SH3PXD2A: variants seen among roughly 807,000 people sequenced by gnomAD.
SH3PXD2A encodes the protein SH3 and PX domain-containing protein 2A.
Under a neutral mutation model 115.2 loss-of-function variants are expected in SH3PXD2A, and 32 were observed. The ratio of observed to expected loss-of-function variants is 0.28; its 90% CI spans 0.21 to 0.37. The LOEUF is 0.37. SH3PXD2A is among the 10% of genes least tolerant of loss of function. SH3PXD2A has a pLI of 1.00. For synonymous variants in SH3PXD2A, 610 were observed against 629.1 expected, an observed-to-expected ratio of 0.97 and a Z score of 0.45; for missense variants, 1,328 against 1,498.7, an observed-to-expected ratio of 0.89 and a Z score of 1.88.
At chr10:103,606,575 T>C (rs1054768764) in intron 13 of SH3PXD2A, among the ~76,000 whole-genome samples, 1 of 149,828 alleles carries the variant, frequency 6.7e-6, no homozygotes, top group Non-Finnish European at 1.5e-5. Flanking sequence ...CTGCCATCTC[T>C]GCTCACTGCA....
intron 3 of SH3PXD2A, chr10:103,754,528 C>A (rs2038617305): frequency 6.6e-6 from 1 of 152,146 alleles, no homozygotes. Context: ...TTGCCCATCT[C>A]CAATCAGGGA....
chr10:103,633,710 G>A lies in SH3PXD2A; in HGVS notation c.605-6508C>T, dbSNP rs955513966. On this transcript the variant is annotated intron_variant, in intron 8 of 14. Transcript: ENST00000369774. ...GCCACAGCACTCCAGTCTAGGCGAT[G>A]GAGCAAGATTCTGTCTCAAAAAAAA... 3.5e-5 allele frequency among the ~76,000 whole-genome samples: 4 copies of A among 114,796 alleles called. No individual in the cohort carries two copies. In the East Asian group the frequency reaches 1.3e-3, roughly 37 times the overall value. The allele number at this position is 114,796 out of a possible 152,430, so 75.3% of individuals were successfully genotyped here. A position where few individuals can be genotyped will look rare whatever the true frequency, so the allele number is the denominator to read the frequency against.
At position 103,782,370 on chromosome 10, in the gene SH3PXD2A, T is replaced by C. The variant is rs560194751; in HGVS notation, c.154-15201A>G. On this transcript the variant is annotated intron_variant, in intron 2 of 14. Transcript: ENST00000369774. ...ATTGTTCTCTGCCATAAAGATTTCA[T>C]CTAATCCTTAACAAGCAGATCCCAA... Among the ~76,000 whole-genome samples the C allele has an allele frequency of 1.9e-4, 29 of 152,296 alleles. 1 individual carries two copies. In the East Asian group the frequency reaches 5.6e-3, roughly 29 times the overall value.
intron 8 of SH3PXD2A, among the ~76,000 whole-genome samples, chr10:103,644,753 G>A (rs986486937): frequency 6.6e-6 from 1 of 152,190 alleles, no homozygotes; most frequent in African/African-American, 2.4e-5. Flanking sequence ...GGATAGGAGG[G>A]TGAATATGCC....
intron 7 of SH3PXD2A, chr10:103,661,497 C>T (rs1250397488): frequency 7.9e-6 from 2 of 254,616 alleles, no homozygotes; most frequent in African/African-American, 4.6e-5. Flanking sequence ...CCGACGGGGT[C>T]TCTCCGGCCT....
At chr10:103,606,432 T>TAAAA (rs533450822) in intron 13 of SH3PXD2A, among the ~76,000 whole-genome samples, 6 of 8,156 alleles carry the variant, frequency 7.4e-4, no homozygotes, top group African/African-American at 1.9e-3. Flanking sequence ...AAGAATTTGC[T>TAAAA]AAAAAAAAAA....
chr10:103,689,159 C>A (rs1472242215), intron 6 of SH3PXD2A, among the ~76,000 whole-genome samples: 1 of 152,124 alleles, frequency 6.6e-6, no homozygotes, highest in African/African-American at 2.4e-5. Flanking sequence ...CAGGAGTGAG[C>A]CACTGCACCC....
chr10:103,675,816 G>A (rs1010882323), intron 6 of SH3PXD2A, among the ~76,000 whole-genome samples: 2 of 152,180 alleles, frequency 1.3e-5, no homozygotes, highest in African/African-American at 4.8e-5. Context: ...GCTGAGGTGG[G>A]TGGATCATCT....
chr10:103,707,837 G>T (rs954624184), intron 5 of SH3PXD2A, among the ~76,000 whole-genome samples: 12 of 152,138 alleles, frequency 7.9e-5, no homozygotes, highest in Admixed American at 7.9e-4. Context: ...GCTTTTGTGT[G>T]TGTCTCTCTC....
In SH3PXD2A at chr10:103,787,841, T is replaced by C. The variant is rs184256360; in HGVS notation, c.153+13441A>G. 1.2e-3 allele frequency among the ~76,000 whole-genome samples: 186 copies of C among 152,340 alleles called. 1 individual carries two copies. Among genetic ancestry groups the C allele is most frequent in the Non-Finnish European group, 1.4e-3 (98 of 68,024 alleles). ...CTAAATGGACCACATTCCTGGGCTCTTCCCGAGCCCCTCAGCCAGCACTGA... is the reference window on the plus strand; with the variant it reads ...CTAAATGGACCACATTCCTGGGCTCCTCCCGAGCCCCTCAGCCAGCACTGA... On this transcript the variant is annotated intron_variant, in intron 2 of 14. Coordinates refer to ENST00000369774, the MANE Select transcript of SH3PXD2A (RefSeq NM_001394015.1).
At chr10:103,738,807 T>C (rs2038409912) in intron 3 of SH3PXD2A, among the ~76,000 whole-genome samples, 1 of 152,080 alleles carries the variant, frequency 6.6e-6, no homozygotes, top group Non-Finnish European at 1.5e-5. Context: ...TTTTTTTTTT[T>C]TCCCGAGACG....
chr10:103,628,949 C>T (rs931485937), intron 8 of SH3PXD2A, among the ~76,000 whole-genome samples: 4 of 152,318 alleles, frequency 2.6e-5, no homozygotes, highest in Admixed American at 2.0e-4. Context: ...TTCATAAACA[C>T]GTACATAGGT....
At chr10:103,802,174 G>A (rs1036683544) in intron 1 of SH3PXD2A, among the ~76,000 whole-genome samples, 1 of 152,168 alleles carries the variant, frequency 6.6e-6, no homozygotes, top group Admixed American at 6.5e-5. Context: ...TGCTACTGTG[G>A]ATCCTCAGAA....
chr10:103,843,720 G>C (rs952668445), intron 1 of SH3PXD2A, among the ~76,000 whole-genome samples: 1 of 152,134 alleles, frequency 6.6e-6, no homozygotes, highest in Non-Finnish European at 1.5e-5. Flanking sequence ...CCTATGTGAC[G>C]AGCTCCCTAG....
chr10:103,658,412 C>T lies in SH3PXD2A; in HGVS notation c.604+2571G>A, dbSNP rs188198894. Among the ~76,000 whole-genome samples, 1,094 of 152,338 alleles carry T rather than the reference C, an allele frequency of 7.2e-3. 5 individuals are homozygous for T. Among genetic ancestry groups the T allele is most frequent in the Middle Eastern group, 0.014 (4 of 294 alleles). On this transcript the variant is annotated intron_variant, in intron 8 of 14. Transcript: ENST00000369774. Reference sequence around the variant, plus strand: ...AAGGTCAAAGGCTTCACAATTGGGTCTTTGTTCCTGAGTTCAAAAGCCTCA... The same window carrying T: ...AAGGTCAAAGGCTTCACAATTGGGTTTTTGTTCCTGAGTTCAAAAGCCTCA...
intron 2 of SH3PXD2A, among the ~76,000 whole-genome samples, chr10:103,782,137 G>A (rs541697105): frequency 2.0e-4 from 30 of 152,168 alleles, no homozygotes; most frequent in Non-Finnish European, 3.8e-4. Context: ...ACCGAAAGAA[G>A]AATAAGAGAG....
rs908174617 is a variant in SH3PXD2A at position 103,770,580 on chromosome 10, T to C, written c.154-3411A>G. 2.6e-5 allele frequency among the ~76,000 whole-genome samples: 4 copies of C among 152,344 alleles called. No homozygotes were observed. In the East Asian group the frequency reaches 7.7e-4, roughly 29 times the overall value. On this transcript the variant is annotated intron_variant, in intron 2 of 14. Transcript: ENST00000369774. ...TACAAGTGCCACACAGAATGAACTC[T>C]TACTTGGTTTGCTCTGGAGTCTGAG...
intron 2 of SH3PXD2A, among the ~76,000 whole-genome samples, chr10:103,774,987 T>C (rs1342884161): frequency 6.6e-6 from 1 of 152,156 alleles, no homozygotes; most frequent in Non-Finnish European, 1.5e-5. Flanking sequence ...TATATTCAAG[T>C]TAAGTGACTC....
In SH3PXD2A at chr10:103,668,588, G is replaced by A; in HGVS notation, c.472+20C>T. 1 of 1,549,694 alleles carries A rather than the reference G, an allele frequency of 6.5e-7. No homozygotes were observed. Among genetic ancestry groups the A allele is most frequent in the East Asian group, 2.4e-5 (1 of 41,186 alleles). The stretch of plus-strand genomic sequence containing the variant: ...CTGGAACACACATGCTCACACACAT[G>A]CATGCACGCTGGGCAGTACCTGTCA... On this transcript the variant is annotated intron_variant, in intron 7 of 14. Coordinates refer to ENST00000369774, the MANE Select transcript of SH3PXD2A (RefSeq NM_001394015.1).
Sources: allele counts gnomAD v4.1 joint callset (sites outside exome capture counted in the v4.1 genomes callset), GRCh38; gene constraint gnomAD v4.1.1; transcripts MANE v1.5; gene names NCBI Gene and HGNC (gene_info 2026-07-23, HGNC 2026-07-21).